The following GPC6 variants were observed in gnomAD, a reference collection of about 807,000 sequenced individuals.
GPC6 encodes glypican 6, also known as glypican-6.
A neutral mutation model predicts 55.2 loss-of-function variants in GPC6; 14 were observed. The observed-to-expected ratio is 0.25, with a 90% CI of 0.17 to 0.40. The LOEUF is 0.40. GPC6 is among the 10% of genes least tolerant of loss of function. The pLI is 1.00. For synonymous variants in GPC6, 278 were observed against 259.6 expected, an observed-to-expected ratio of 1.07 and a Z score of -0.68; for missense variants, 641 against 708.5, an observed-to-expected ratio of 0.90 and a Z score of 1.08.
intron 3 of GPC6, among the ~76,000 whole-genome samples, chr13:93,943,899 C>T (rs1423233997): frequency 3.9e-5 from 6 of 152,128 alleles, no homozygotes; most frequent in South Asian, 2.1e-4. Context: ...CATAGTACTG[C>T]GGTTTGATTA....
chr13:93,496,115 C>G (rs1229920246), intron 1 of GPC6, among the ~76,000 whole-genome samples: 1 of 152,130 alleles, frequency 6.6e-6, no homozygotes, highest in Non-Finnish European at 1.5e-5. Flanking sequence ...TGGCGCCCCT[C>G]CCCCAGCCTT....
At chr13:94,333,082 A>T (rs1253314695) in intron 6 of GPC6, among the ~76,000 whole-genome samples, 2 of 152,154 alleles carry the variant, frequency 1.3e-5, no homozygotes, top group Non-Finnish European at 2.9e-5. Flanking sequence ...TGCTTTATGA[A>T]TTAATATCGG....
chr13:94,362,811 C>A (rs1879118825), intron 6 of GPC6, among the ~76,000 whole-genome samples: 1 of 152,118 alleles, frequency 6.6e-6, no homozygotes, highest in Non-Finnish European at 1.5e-5. Flanking sequence ...TTAATCCCTG[C>A]ATATCCATGA....
At position 93,656,982 on chromosome 13, in the gene GPC6, C is replaced by T. The variant is rs1423191474; in HGVS notation, c.319+111561C>T. On this transcript the variant is annotated intron_variant, in intron 2 of 8. Transcript: ENST00000377047. ...GACATAAATGGTAAAACATTCCATG[C>T]ACAAGGATAGGAAGAATCAATATGG... Among the ~76,000 whole-genome samples, 3 of 151,998 alleles carry T rather than the reference C, an allele frequency of 2.0e-5. No individual in the cohort carries two copies. In the East Asian group the frequency reaches 5.8e-4, roughly 29 times the overall value.
At chr13:94,177,342 C>T (rs1888812351) in intron 4 of GPC6, among the ~76,000 whole-genome samples, 1 of 151,922 alleles carries the variant, frequency 6.6e-6, no homozygotes, top group African/African-American at 2.4e-5. Flanking sequence ...ATGTGTCAAC[C>T]ACCAAGATAA....
At chr13:93,437,711 T>C (rs1877625916) in intron 1 of GPC6, among the ~76,000 whole-genome samples, 2 of 152,196 alleles carry the variant, frequency 1.3e-5, no homozygotes, top group South Asian at 2.1e-4. Context: ...AAGTTCAATG[T>C]GAAGCAGCAG....
At chr13:94,145,680 A>G (rs1887538870) in intron 4 of GPC6, among the ~76,000 whole-genome samples, 1 of 152,156 alleles carries the variant, frequency 6.6e-6, no homozygotes, top group Non-Finnish European at 1.5e-5. Flanking sequence ...TGTTCCCATA[A>G]ATGTGTGAAC....
intron 4 of GPC6, among the ~76,000 whole-genome samples, chr13:94,124,913 G>A (rs1886753784): frequency 6.6e-6 from 1 of 152,070 alleles, no homozygotes; most frequent in South Asian, 2.1e-4. Flanking sequence ...TAACTCATCA[G>A]GAGAAACTGT....
At chr13:93,523,472 T>A (rs1881525112) in intron 1 of GPC6, among the ~76,000 whole-genome samples, 1 of 151,790 alleles carries the variant, frequency 6.6e-6, no homozygotes, top group Non-Finnish European at 1.5e-5. Context: ...TATGACATTT[T>A]ACACACATAC....
chr13:93,586,285 C>CA (rs1379372295), intron 2 of GPC6, among the ~76,000 whole-genome samples: 1 of 152,216 alleles, frequency 6.6e-6, no homozygotes, highest in Admixed American at 6.5e-5. Flanking sequence ...CTGCAAAGGA[C>CA]ATGATCTCAT....
chr13:93,639,811 T>C (rs1000745204), intron 2 of GPC6, among the ~76,000 whole-genome samples: 1 of 152,150 alleles, frequency 6.6e-6, no homozygotes, highest in Non-Finnish European at 1.5e-5. Flanking sequence ...AACTCACAGA[T>C]TCTGCAATCT....
rs138567387 is a variant in GPC6, at chr13:93,689,862, A to G, written c.320-140292A>G. ...TAAATACAATTCCAGTTTGTCTTAA[A>G]TCAGTCACTTAAATCAGTCCAGTGT... On this transcript the variant is annotated intron_variant, in intron 2 of 8. Coordinates refer to ENST00000377047, the MANE Select transcript of GPC6 (RefSeq NM_005708.5). Among the ~76,000 whole-genome samples the G allele has an allele frequency of 1.2e-4, 18 of 152,250 alleles. No individual in the cohort carries two copies. The South Asian group carries it at 1.9e-3, about 16-fold the overall frequency.
intron 2 of GPC6, among the ~76,000 whole-genome samples, chr13:93,608,456 A>G (rs1211354081): frequency 1.3e-5 from 2 of 152,200 alleles, no homozygotes; most frequent in Admixed American, 6.5e-5. Context: ...ATTTTAAACA[A>G]TTTATATAAT....
rs533916979 is a variant in GPC6, at chr13:93,485,803, T to C, written c.161-59460T>C. On this transcript the variant is annotated intron_variant, in intron 1 of 8. Coordinates refer to ENST00000377047, the MANE Select transcript of GPC6 (RefSeq NM_005708.5). ...GCTGTTGTACCTGTCAGGTTTGAGA[T>C]TTTTGCAGTTCTTCATATATATTTG... is the stretch of plus-strand genomic sequence containing the variant. Among the ~76,000 whole-genome samples the C allele has an allele frequency of 2.6e-5, 4 of 152,216 alleles. No individual in the cohort carries two copies. The South Asian group carries it at 8.3e-4, about 32-fold the overall frequency.
At chr13:93,763,092 G>C (rs1321251500) in intron 2 of GPC6, among the ~76,000 whole-genome samples, 1 of 152,132 alleles carries the variant, frequency 6.6e-6, no homozygotes, top group Non-Finnish European at 1.5e-5. Flanking sequence ...TTCATGATAG[G>C]ATAATCAATA....
chr13:94,357,053 C>T (rs1359106980), intron 6 of GPC6, among the ~76,000 whole-genome samples: 2 of 152,188 alleles, frequency 1.3e-5, no homozygotes, highest in African/African-American at 2.4e-5. Context: ...CCCCACCTGG[C>T]TTTCCCAGCG....
At chr13:94,365,262 A>ACTT (rs1462350317) in intron 6 of GPC6, among the ~76,000 whole-genome samples, 6 of 152,176 alleles carry the variant, frequency 3.9e-5, no homozygotes, top group African/African-American at 1.4e-4. Flanking sequence ...CAATGTGTAG[A>ACTT]CTTTACATTT....
chr13:94,109,030 G>A (rs1412984970), intron 4 of GPC6, among the ~76,000 whole-genome samples: 1 of 151,882 alleles, frequency 6.6e-6, no homozygotes, highest in African/African-American at 2.4e-5. Flanking sequence ...CCTTTATTAT[G>A]TTTCCCCTTT....
At chr13:93,949,407 A>T (rs547582297) in intron 3 of GPC6, among the ~76,000 whole-genome samples, 28 of 152,320 alleles carry the variant, frequency 1.8e-4, no homozygotes, top group African/African-American at 6.5e-4. Context: ...ATTATGGTTG[A>T]TAGTCCAATA....
Sources: gnomAD v4.1 joint callset for allele counts (sites outside exome capture counted in the v4.1 genomes callset) on GRCh38, gnomAD v4.1.1 for gene constraint, MANE v1.5 for transcripts, NCBI Gene and HGNC (gene_info 2026-07-23, HGNC 2026-07-21) for gene names.